Variants in FRMD5 observed in about 807,000 individuals in gnomAD.
FRMD5 encodes FERM domain containing 5, also known as FERM domain-containing protein 5.
FRMD5 carries 20 observed loss-of-function variants against 69.0 expected under a neutral mutation model. The observed-to-expected ratio is 0.29, with a 90% CI of 0.20 to 0.42. FRMD5 has a LOEUF of 0.42. Among genes scored for constraint, FRMD5 ranks in the 10% least tolerant of loss-of-function variants. FRMD5 has a pLI of 1.00. For missense variants in FRMD5, 595 were observed against 708.6 expected, an observed-to-expected ratio of 0.84 and a Z score of 1.82; for synonymous variants, 271 against 260.1, an observed-to-expected ratio of 1.04 and a Z score of -0.40.
At chr15:43,898,569 T>G (rs1302359098) in intron 7 of FRMD5, among the ~76,000 whole-genome samples, 1 of 152,204 alleles carries the variant, frequency 6.6e-6, no homozygotes, top group African/African-American at 2.4e-5. Flanking sequence ...TCTCCGTAAG[T>G]TGGGCCCAGG....
intron 1 of FRMD5, among the ~76,000 whole-genome samples, chr15:44,053,008 G>A (rs1199746652): frequency 1.3e-5 from 2 of 152,188 alleles, no homozygotes; most frequent in African/African-American, 4.8e-5. Context: ...ACTGTGCTAA[G>A]TGTTACAAAG....
At chr15:43,957,913 CTT>C (rs2140529991) in intron 1 of FRMD5, among the ~76,000 whole-genome samples, 1 of 152,328 alleles carries the variant, frequency 6.6e-6, no homozygotes, top group South Asian at 2.1e-4. Flanking sequence ...CTTACTGAGT[CTT>C]TACTGTGGGC....
At chr15:43,974,705 G>A (rs1310869719) in intron 1 of FRMD5, among the ~76,000 whole-genome samples, 2 of 152,176 alleles carry the variant, frequency 1.3e-5, no homozygotes, top group African/African-American at 4.8e-5. Context: ...ATTCTAATAT[G>A]CATAAACAAT....
chr15:44,128,379 C>T (rs2077052568), intron 1 of FRMD5, among the ~76,000 whole-genome samples: 1 of 152,130 alleles, frequency 6.6e-6, no homozygotes, highest in South Asian at 2.1e-4. Flanking sequence ...GCTGGGGAGA[C>T]TGAGGCAGAA....
intron 1 of FRMD5, among the ~76,000 whole-genome samples, chr15:44,125,530 T>C (rs2077014023): frequency 6.6e-6 from 1 of 152,152 alleles, no homozygotes; most frequent in Admixed American, 6.6e-5. Context: ...ATTCCTTTGC[T>C]TTACCTCAGG....
At chr15:43,912,591 T>C (rs763883098) in intron 4 of FRMD5, among the ~76,000 whole-genome samples, 22 of 151,956 alleles carry the variant, frequency 1.4e-4, no homozygotes, top group Non-Finnish European at 3.2e-4. Context: ...ACTGTACATA[T>C]TGGACTAAAG....
intron 6 of FRMD5, among the ~76,000 whole-genome samples, chr15:43,904,381 T>G (rs191057423): frequency 7.9e-5 from 12 of 152,306 alleles, no homozygotes; most frequent in South Asian, 2.1e-4. Flanking sequence ...TTATTTTTAA[T>G]TTTTTGAGAC....
At chr15:44,159,037 T>C (rs2077571836) in intron 1 of FRMD5, among the ~76,000 whole-genome samples, 1 of 152,114 alleles carries the variant, frequency 6.6e-6, no homozygotes, top group Non-Finnish European at 1.5e-5. Flanking sequence ...AATGTAGCAC[T>C]AGAACCAAGC....
chr15:44,171,612 T>C (rs528133079), intron 1 of FRMD5, among the ~76,000 whole-genome samples: 4 of 152,300 alleles, frequency 2.6e-5, no homozygotes, highest in South Asian at 2.1e-4. Flanking sequence ...TATGACAACC[T>C]CTGAATTTCC....
At chr15:44,155,162 C>T (rs945340194) in intron 1 of FRMD5, among the ~76,000 whole-genome samples, 1 of 152,074 alleles carries the variant, frequency 6.6e-6, no homozygotes, top group Admixed American at 6.6e-5. Flanking sequence ...TGGCCAGGCA[C>T]GGTGGCTCAC....
chr15:44,084,111 T>C (rs1227141760), intron 1 of FRMD5, among the ~76,000 whole-genome samples: 1 of 152,052 alleles, frequency 6.6e-6, no homozygotes, highest in Non-Finnish European at 1.5e-5. Flanking sequence ...GACTGGCTAT[T>C]TGACCTTGGG....
At chr15:44,067,310 T>C (rs966685892) in intron 1 of FRMD5, among the ~76,000 whole-genome samples, 2 of 152,246 alleles carry the variant, frequency 1.3e-5, no homozygotes, top group Non-Finnish European at 1.5e-5. Context: ...AGCAAAAAAG[T>C]ACTGGTTAAA....
chr15:44,142,044 A>T (rs921277803), intron 1 of FRMD5, among the ~76,000 whole-genome samples: 2 of 152,072 alleles, frequency 1.3e-5, no homozygotes, highest in Non-Finnish European at 2.9e-5. Flanking sequence ...AGATGTATTC[A>T]TTATCCCATC....
intron 1 of FRMD5, among the ~76,000 whole-genome samples, chr15:44,166,970 C>T (rs1441957219): frequency 6.6e-6 from 1 of 151,932 alleles, no homozygotes; most frequent in African/African-American, 2.4e-5. Flanking sequence ...TTGAATCATT[C>T]CAACTAAAGG....
At chr15:44,106,799 A>G (rs2076725901) in intron 1 of FRMD5, among the ~76,000 whole-genome samples, 1 of 152,214 alleles carries the variant, frequency 6.6e-6, no homozygotes. Context: ...GACTGAAAAT[A>G]CAAAGCTGCT....
chr15:44,144,449 G>C (rs1222701653), intron 1 of FRMD5, among the ~76,000 whole-genome samples: 1 of 152,102 alleles, frequency 6.6e-6, no homozygotes, highest in Non-Finnish European at 1.5e-5. Context: ...AAAAAGGAGT[G>C]TGCTCAGGAG....
At chr15:44,132,539 C>T (rs145962641) in intron 1 of FRMD5, among the ~76,000 whole-genome samples, 1 of 152,176 alleles carries the variant, frequency 6.6e-6, no homozygotes, top group African/African-American at 2.4e-5. Flanking sequence ...AGTGATCTTC[C>T]CACCTCAGCC....
intron 1 of FRMD5, among the ~76,000 whole-genome samples, chr15:43,963,286 G>A (rs1385756883): frequency 2.0e-5 from 3 of 152,184 alleles, no homozygotes; most frequent in Admixed American, 2.0e-4. Flanking sequence ...CATTTATGCA[G>A]CTAAAAAACA....
At chr15:44,189,490 CTTT>C (rs762693920) in intron 1 of FRMD5, among the ~76,000 whole-genome samples, 5 of 134,972 alleles carry the variant, frequency 3.7e-5, no homozygotes, top group Admixed American at 2.2e-4. Context: ...AAAGTCAAGA[CTTT>C]TTTTTTTTTT....
Sources: gnomAD v4.1 joint callset for allele counts (sites outside exome capture counted in the v4.1 genomes callset) on GRCh38, gnomAD v4.1.1 for gene constraint, MANE v1.5 for transcripts, NCBI Gene and HGNC (gene_info 2026-07-23, HGNC 2026-07-21) for gene names.